Variants in CAST observed in about 807,000 individuals in gnomAD.
The protein encoded by CAST is calpastatin.
Under a neutral mutation model 119.6 loss-of-function variants are expected in CAST, and 76 were observed. That is an observed-to-expected ratio of 0.64 (90% CI 0.53 to 0.77). The LOEUF is 0.77. Among genes scored for constraint, CAST ranks in the 30% least tolerant of loss-of-function variants. The pLI, the probability that CAST is intolerant of heterozygous loss-of-function variation, is 0.00. For synonymous variants in CAST, 319 were observed against 331.6 expected, an observed-to-expected ratio of 0.96 and a Z score of 0.41; for missense variants, 953 against 946.5, an observed-to-expected ratio of 1.01 and a Z score of -0.09.
the CAST span, among the ~76,000 whole-genome samples, chr5:95,966,856 A>T: frequency 3.9e-5 from 6 of 152,174 alleles, no homozygotes; most frequent in African/African-American, 1.2e-4. Context: ...AAGGACTCAG[A>T]TTTGATTCCT....
chr5:96,655,152 A>G (rs529175933), intron 1 of CAST, among the ~76,000 whole-genome samples: 1 of 152,344 alleles, frequency 6.6e-6, no homozygotes, highest in Non-Finnish European at 1.5e-5. Flanking sequence ...AGAAAAGGAC[A>G]AAAAAGATGT....
At chr5:96,607,795 G>C (rs1747288332) in intron 1 of CAST, among the ~76,000 whole-genome samples, 1 of 152,124 alleles carries the variant, frequency 6.6e-6, no homozygotes, top group African/African-American at 2.4e-5. Flanking sequence ...GCCCAGAATA[G>C]GTGGGCCTTT....
At chr5:96,598,936 C>T (rs1747098777) in intron 1 of CAST, among the ~76,000 whole-genome samples, 1 of 152,158 alleles carries the variant, frequency 6.6e-6, no homozygotes, top group Non-Finnish European at 1.5e-5. Context: ...CTTCTTGGAT[C>T]TTGACCCTGC....
At chr5:96,754,632 A>G (rs769896399) in intron 21 of CAST, 26 bp from the exon 22 acceptor site, 3 of 1,396,976 alleles carry the variant, frequency 2.1e-6, no homozygotes, top group Non-Finnish European at 3.0e-6. Context: ...ACATGCTAAC[A>G]ATGAAAATGG....
the CAST span, among the ~76,000 whole-genome samples, chr5:96,262,256 G>A: frequency 2.0e-5 from 3 of 152,216 alleles, no homozygotes; most frequent in Admixed American, 6.5e-5. Flanking sequence ...GGCAGCACAC[G>A]TAGCAGATGG....
chr5:96,721,169 A>G (rs533532334), intron 3 of CAST, among the ~76,000 whole-genome samples: 1 of 152,288 alleles, frequency 6.6e-6, no homozygotes, highest in African/African-American at 2.4e-5. Flanking sequence ...ATGCCCTGCT[A>G]CAGTGACTGG....
the CAST span, among the ~76,000 whole-genome samples, chr5:96,072,597 G>C: frequency 5.7e-3 from 867 of 152,300 alleles, 5 homozygotes; most frequent in African/African-American, 0.02. Flanking sequence ...AAAGTCCACT[G>C]TTAAAATAAT....
chr5:96,471,017 A>ATAGG, the CAST span, among the ~76,000 whole-genome samples: 1 of 152,216 alleles, frequency 6.6e-6, no homozygotes, highest in East Asian at 1.9e-4. Context: ...GGTCATGGAG[A>ATAGG]TAGGACATTC....
At chr5:96,048,948 G>A in the CAST span, among the ~76,000 whole-genome samples, 5 of 152,196 alleles carry the variant, frequency 3.3e-5, no homozygotes, top group Admixed American at 3.3e-4. Flanking sequence ...TCTGCAGCAT[G>A]GAGATACAGC....
At chr5:96,474,125 A>G in the CAST span, among the ~76,000 whole-genome samples, 3 of 152,144 alleles carry the variant, frequency 2.0e-5, no homozygotes, top group African/African-American at 7.2e-5. Context: ...TTAAGATGCA[A>G]TTAGGAGCAA....
intron 1 of CAST, among the ~76,000 whole-genome samples, chr5:96,547,742 C>T (rs115072699): frequency 1.4e-4 from 21 of 152,280 alleles, no homozygotes; most frequent in Middle Eastern, 6.8e-3. Context: ...CTTTGACTTC[C>T]GTGCAGGCCA....
At chr5:96,308,147 A>G in the CAST span, among the ~76,000 whole-genome samples, 1 of 151,764 alleles carries the variant, frequency 6.6e-6, no homozygotes, top group Non-Finnish European at 1.5e-5. Context: ...GGCTTTGTTC[A>G]TTTCTTTTCA....
chr5:96,004,068 G>A, the CAST span, among the ~76,000 whole-genome samples: 2 of 152,072 alleles, frequency 1.3e-5, no homozygotes, highest in Admixed American at 6.5e-5. Context: ...TTTGCATATC[G>A]AAGACCAGTA....
the CAST span, among the ~76,000 whole-genome samples, chr5:96,385,703 A>G: frequency 6.6e-6 from 1 of 152,196 alleles, no homozygotes; most frequent in African/African-American, 2.4e-5. Context: ...AGGAAGGCAT[A>G]CTCTGTTCAT....
At chr5:96,372,167 T>C in the CAST span, among the ~76,000 whole-genome samples, 1 of 152,220 alleles carries the variant, frequency 6.6e-6, no homozygotes, top group Non-Finnish European at 1.5e-5. Context: ...ATGGCTAGGA[T>C]TGGAACCCAG....
At chr5:95,987,517 T>C in the CAST span, among the ~76,000 whole-genome samples, 4 of 152,180 alleles carry the variant, frequency 2.6e-5, no homozygotes, top group African/African-American at 4.8e-5. Flanking sequence ...GATGAGTATT[T>C]TTGAAGAGCA....
the CAST span, among the ~76,000 whole-genome samples, chr5:96,317,115 T>C: frequency 6.6e-6 from 1 of 152,076 alleles, no homozygotes; most frequent in East Asian, 1.9e-4. Context: ...CCACACACAT[T>C]TGACATTTCA....
chr5:96,455,576 C>G, the CAST span, among the ~76,000 whole-genome samples: 1 of 152,206 alleles, frequency 6.6e-6, no homozygotes, highest in African/African-American at 2.4e-5. Flanking sequence ...TCCTGTTTAA[C>G]CTTTCTCCTT....
chr5:96,062,053 C>T, the CAST span, among the ~76,000 whole-genome samples: 1 of 152,136 alleles, frequency 6.6e-6, no homozygotes, highest in East Asian at 1.9e-4. Flanking sequence ...ACCTTGAAAT[C>T]CGCATGTATT....
Sources: gnomAD v4.1 joint callset for allele counts (sites outside exome capture counted in the v4.1 genomes callset) on GRCh38, gnomAD v4.1.1 for gene constraint, MANE v1.5 for transcripts, NCBI Gene and HGNC (gene_info 2026-07-23, HGNC 2026-07-21) for gene names.